Variants in ZNF384 observed in about 807,000 individuals in gnomAD.
ZNF384 encodes the protein CAG repeat protein 1.
Under a neutral mutation model 65.0 loss-of-function variants are expected in ZNF384, and 20 were observed. That is an observed-to-expected ratio of 0.31 (90% confidence interval 0.22 to 0.45). The LOEUF (loss-of-function observed/expected upper bound fraction) is 0.45, where lower values mean the gene tolerates loss of function less well. Ranked by LOEUF, ZNF384 falls within the 20% of genes least tolerant of loss-of-function variation. The pLI, the probability that ZNF384 is intolerant of heterozygous loss-of-function variation, is 1.00. For synonymous variants in ZNF384, 310 were observed against 303.9 expected, an observed-to-expected ratio of 1.02 and a Z score of -0.21; for missense variants, 549 against 769.4, an observed-to-expected ratio of 0.71 and a Z score of 3.39.
chr12:6,668,708 A>C (rs1398832358), intron 11 of ZNF384, among the ~76,000 whole-genome samples: 1 of 150,252 alleles, frequency 6.7e-6, no homozygotes, highest in Non-Finnish European at 1.5e-5. Context: ...ACTGTGTCTC[A>C]AAAAGAAAAA....
In ZNF384 at chr12:6,667,375, A is replaced by G; in HGVS notation, c.*339T>C. 2.2e-6 allele frequency: 1 copy of G among 457,234 alleles called. No individual in the cohort carries two copies. The highest frequency in any genetic ancestry group is 4.1e-6 in the Non-Finnish European group (1 of 245,952). 28.3% of individuals were successfully genotyped at this position (457,234 alleles called of 1,614,324 possible). On this transcript the variant is annotated 3_prime_UTR_variant, in exon 12 of 12. Transcript: ENST00000683879. Reference sequence around the variant, plus strand: ...CCCAAACTTTGAGGATAAGGAGGGTAAGGATAGGGTAAGTGGCCACACTGG... The same window carrying G: ...CCCAAACTTTGAGGATAAGGAGGGTGAGGATAGGGTAAGTGGCCACACTGG...
intron 7 of ZNF384, 63 bp downstream of exon 7, chr12:6,677,104 A>G (rs1953942531): frequency 4.5e-6 from 2 of 448,854 alleles, no homozygotes; most frequent in East Asian, 1.1e-4. Context: ...GGGAGGCATA[A>G]ACAGAATTAT....
At chr12:6,668,829 G>A (rs564120562) in intron 11 of ZNF384, among the ~76,000 whole-genome samples, 41 of 152,160 alleles carry the variant, frequency 2.7e-4, no homozygotes, top group South Asian at 1.9e-3. Context: ...CAGCTTATGC[G>A]TCTCTATAGG....
chr12:6,669,265 A>G (rs1043416610), intron 10 of ZNF384, 76 bp from the exon 11 acceptor site: 1 of 1,464,578 alleles, frequency 6.8e-7, no homozygotes, highest in African/African-American at 1.4e-5. Flanking sequence ...ATGGAAAGCA[A>G]AAAGGTAGGT....
At chr12:6,682,798 C>A (rs532790493) in intron 2 of ZNF384, among the ~76,000 whole-genome samples, 24 of 152,280 alleles carry the variant, frequency 1.6e-4, no homozygotes, top group African/African-American at 5.8e-4. Flanking sequence ...TTACAAATAT[C>A]CCCAACATAC....
In ZNF384 at chr12:6,674,056, A is replaced by C. The variant is rs537078442; in HGVS notation, c.780-616T>G. Among the ~76,000 whole-genome samples, 9 of 152,230 alleles carry C rather than the reference A, an allele frequency of 5.9e-5. No individual in the cohort carries two copies. The South Asian group carries it at 1.0e-3, about 18-fold the overall frequency. On this transcript the variant is annotated intron_variant, in intron 7 of 11. Transcript: ENST00000683879. ...TTATCTGATGTTGCATCCATCATCT[A>C]CCCACCCCTTGCCCACAGCCCCTTG...
In ZNF384 at chr12:6,666,670, T is replaced by C. The variant is rs1300523120; in HGVS notation, c.*1044A>G. ...AAAAAAGACAAAAAGAAAAATGCTGTGGCTAGAGGACAGGGGTGGAGAGAG... is the reference window on the plus strand; with the variant it reads ...AAAAAAGACAAAAAGAAAAATGCTGCGGCTAGAGGACAGGGGTGGAGAGAG... On this transcript the variant is annotated 3_prime_UTR_variant, in exon 12 of 12. Coordinates refer to ENST00000683879, the MANE Select transcript of ZNF384 (RefSeq NM_001385745.1). 3 of 167,178 alleles carry C rather than the reference T, an allele frequency of 1.8e-5. No individual in the cohort carries two copies. Among genetic ancestry groups the C allele is most frequent in the Non-Finnish European group, 3.9e-5 (3 of 77,870 alleles). The allele number at this position is 167,178 out of a possible 1,614,324, so 10.4% of individuals were successfully genotyped here. A position where few individuals can be genotyped will look rare whatever the true frequency, so the allele number is the denominator to read the frequency against.
chr12:6,669,725 C>G (rs996973726), intron 10 of ZNF384, among the ~76,000 whole-genome samples: 1 of 152,160 alleles, frequency 6.6e-6, no homozygotes, highest in Non-Finnish European at 1.5e-5. Flanking sequence ...TGGTTTCCAA[C>G]TCCTGAGCTC....
chr12:6,682,684 G>A (rs372062014), intron 2 of ZNF384, among the ~76,000 whole-genome samples: 1 of 152,120 alleles, frequency 6.6e-6, no homozygotes, highest in African/African-American at 2.4e-5. Flanking sequence ...GGAGTCTCAC[G>A]TTTTCAGGCA....
At position 6,672,277 on chromosome 12, in the gene ZNF384, T is replaced by G; in HGVS notation, c.1187+73A>C. The G allele has an allele frequency of 1.0e-5, 15 of 1,469,970 alleles. No individual in the cohort carries two copies. The highest frequency in any genetic ancestry group is 1.4e-5 in the African/African-American group (1 of 72,226). The allele number at this position is 1,469,970 out of a possible 1,614,324, so 91.1% of individuals were successfully genotyped here. On this transcript the variant is annotated intron_variant, in intron 9 of 11. Transcript: ENST00000683879. The surrounding 1 kb of genome is among the most constrained non-coding windows in gnomAD (Gnocchi z 4.4). ...CCCCCGCCCCCCGCATGCGGGTTGT[T>G]GTGTGTGTCCGGGGCGGGGGTGGGG...
At chr12:6,685,266 T>C (rs779505629) in intron 2 of ZNF384, among the ~76,000 whole-genome samples, 2 of 151,092 alleles carry the variant, frequency 1.3e-5, no homozygotes, top group Non-Finnish European at 2.9e-5. Context: ...GAGGCTGCAG[T>C]CAGCCATTAT....
chr12:6,670,863 G>C, intron 9 of ZNF384, 25 bp from the exon 10 acceptor site: 2 of 1,606,642 alleles, frequency 1.2e-6, no homozygotes, highest in Non-Finnish European at 8.5e-7. Flanking sequence ...AGAAAAAAGG[G>C]AAAGAATGTC....
chr12:6,683,887 C>T (rs1413159977), intron 2 of ZNF384, among the ~76,000 whole-genome samples: 3 of 151,906 alleles, frequency 2.0e-5, no homozygotes, highest in Non-Finnish European at 2.9e-5. Flanking sequence ...CATGGTGGCG[C>T]ACGCCTGTAG....
chr12:6,667,995 G>A lies in ZNF384; in HGVS notation c.1546C>T (p.Gln516Ter), dbSNP rs1441649283. The change falls in exon 12 of 12, where the codon CAG becomes TAG. Residue 516 changes from glutamine (Q) to a stop codon, truncating the protein, a stop_gained. Transcript: ENST00000683879. LOFTEE classifies it high-confidence loss of function. ...TGGGCCTGGGCTTGAGCCTGAGCCT[G>A]AGCCTGGGCTTGAGCTTGAGCCTGG... ...QAQAQAQAQAQAQAQAQAQAQ... is the reference protein window; with the variant it reads ...QAQAQAQAQA 6.2e-7 allele frequency: 1 copy of A among 1,613,228 alleles called. No homozygotes were observed. The highest frequency in any genetic ancestry group is 8.5e-7 in the Non-Finnish European group (1 of 1,179,650).
intron 7 of ZNF384, among the ~76,000 whole-genome samples, chr12:6,676,482 CT>C (rs1416721386): frequency 1.3e-5 from 2 of 152,308 alleles, no homozygotes; most frequent in African/African-American, 4.8e-5. Flanking sequence ...TTTCTTCCAA[CT>C]GTATATGTGC....
chr12:6,670,921 C>T (rs2136498123), intron 9 of ZNF384, 83 bp from the exon 10 acceptor site: 1 of 1,277,808 alleles, frequency 7.8e-7, no homozygotes, highest in Non-Finnish European at 1.1e-6. Context: ...CCAGGCCCAT[C>T]CTGCTCTCCT....
rs187392169 is a variant in ZNF384, at chr12:6,673,720, C to T, written c.780-280G>A. On this transcript the variant is annotated intron_variant, in intron 7 of 11. Transcript: ENST00000683879. This position sits in a 1 kb window ranked among gnomAD's most constrained non-coding sequence, Gnocchi z 4.7. The stretch of plus-strand genomic sequence containing the variant: ...AAACAGTATGAACTCTGGGCAGATG[C>T]GAATTTCAATGGGCCAGGAATATCA... Among the ~76,000 whole-genome samples the T allele has an allele frequency of 6.6e-6, 1 of 152,262 alleles. No homozygotes were observed. The highest frequency in any genetic ancestry group is 2.4e-5 in the African/African-American group (1 of 41,544).
At chr12:6,679,283 A>G (rs1453588729) in intron 3 of ZNF384, 100 bp from the exon 4 acceptor site, 2 of 1,268,416 alleles carry the variant, frequency 1.6e-6, no homozygotes, top group East Asian at 4.7e-5. Flanking sequence ...CTTAGGGATC[A>G]AGGATGAGCA....
chr12:6,680,689 C>T (rs563571542), intron 2 of ZNF384, among the ~76,000 whole-genome samples: 2 of 152,072 alleles, frequency 1.3e-5, no homozygotes, highest in Admixed American at 1.3e-4. Flanking sequence ...ATTTTGAGTA[C>T]CAACTACTAT....
Sources: allele counts gnomAD v4.1 joint callset (sites outside exome capture counted in the v4.1 genomes callset), GRCh38; gene constraint gnomAD v4.1.1; non-coding constraint Gnocchi (gnomAD v3.1); transcripts MANE v1.5; gene names NCBI Gene and HGNC (gene_info 2026-07-23, HGNC 2026-07-21).